CFI: variants seen among roughly 807,000 people sequenced by gnomAD.
CFI encodes the protein C3B/C4B inactivator.
A neutral mutation model predicts 78.8 loss-of-function variants in CFI; 66 were observed. The ratio of observed to expected loss-of-function variants is 0.84; its 90% CI spans 0.69 to 1.03. The LOEUF is 1.03. CFI is among the 50% of genes least tolerant of loss of function. The pLI is 0.00. For missense variants in CFI, 706 were observed against 704.5 expected, an observed-to-expected ratio of 1.00 and a Z score of -0.02; for synonymous variants, 250 against 232.6, an observed-to-expected ratio of 1.07 and a Z score of -0.68.
intron 1 of CFI, among the ~76,000 whole-genome samples, chr4:109,790,475 G>C (rs1326089585): frequency 6.6e-6 from 1 of 151,986 alleles, no homozygotes; most frequent in East Asian, 1.9e-4. Flanking sequence ...AATTTGTGCA[G>C]GTTTGTTATG....
the CFI span, among the ~76,000 whole-genome samples, chr4:109,731,958 C>G: frequency 6.6e-6 from 1 of 152,118 alleles, no homozygotes; most frequent in East Asian, 1.9e-4. Context: ...TTCTCAGCTC[C>G]AAAGTATGAA....
the CFI span, among the ~76,000 whole-genome samples, chr4:109,735,484 A>G: frequency 3.8e-3 from 574 of 152,358 alleles, 10 homozygotes; most frequent in African/African-American, 0.013. Context: ...TGTTATTTTA[A>G]ATAACAAAAA....
chr4:109,772,188 T>C (rs1257215689), intron 1 of CFI, among the ~76,000 whole-genome samples: 3 of 152,228 alleles, frequency 2.0e-5, no homozygotes, highest in African/African-American at 7.2e-5. Context: ...ATAGTAAGAA[T>C]ATGGTTTATT....
In CFI at chr4:109,760,331, G is replaced by T. The variant is rs1350170954; in HGVS notation, c.822C>A (p.Ser274Arg). ...FHCKSGVCIP[S>R]QYQCNGEVDC... ...CCACCTCACCATTGCATTGATACTG[G>T]CTTGGAATGCAAACACCCGATTTGC... is the stretch of plus-strand genomic sequence containing the variant. The change falls in exon 6 of 13, where the codon AGC (serine) becomes AGA (arginine). Residue 274 changes from serine to arginine, a missense_variant. Coordinates refer to ENST00000394634, the MANE Select transcript of CFI (RefSeq NM_000204.5). 1 of 1,614,026 alleles carries T rather than the reference G, an allele frequency of 6.2e-7. No homozygotes were observed. The highest frequency in any genetic ancestry group is 1.3e-5 in the African/African-American group (1 of 74,938).
intron 1 of CFI, among the ~76,000 whole-genome samples, chr4:109,791,104 G>A (rs1463840231): frequency 6.6e-6 from 1 of 152,068 alleles, no homozygotes; most frequent in African/African-American, 2.4e-5. Flanking sequence ...AACCTCGACA[G>A]CATGTTATTT....
intron 1 of CFI, among the ~76,000 whole-genome samples, chr4:109,777,497 C>A (rs1396885953): frequency 1.3e-5 from 2 of 151,958 alleles, no homozygotes; most frequent in African/African-American, 2.4e-5. Flanking sequence ...CCTTAGAGAC[C>A]TACAAAGAGA....
At chr4:109,800,664 T>G (rs1732670034) in intron 1 of CFI, among the ~76,000 whole-genome samples, 1 of 152,120 alleles carries the variant, frequency 6.6e-6, no homozygotes, top group Non-Finnish European at 1.5e-5. Flanking sequence ...ACCAGTAATC[T>G]TATTAGCCAA....
the CFI span, among the ~76,000 whole-genome samples, chr4:109,734,523 G>A: frequency 6.6e-6 from 1 of 152,208 alleles, no homozygotes; most frequent in African/African-American, 2.4e-5. Flanking sequence ...GCGATTACAG[G>A]CAGGACGCAG....
At chr4:109,753,324 T>TATA (rs1554027529) in intron 7 of CFI, among the ~76,000 whole-genome samples, 1 of 7,078 alleles carries the variant, frequency 1.4e-4, no homozygotes, top group African/African-American at 3.4e-4. Context: ...ATATTTATTA[T>TATA]ATAAATATTT....
At chr4:109,745,617 CA>C (rs1439069714) in intron 11 of CFI, among the ~76,000 whole-genome samples, 4 of 152,038 alleles carry the variant, frequency 2.6e-5, no homozygotes, top group Non-Finnish European at 4.4e-5. Context: ...CTTAGAAGTT[CA>C]AAAAATGAAT....
At chr4:109,756,888 G>GGAAAGAAAGAAAGAAAGAAAGAAA (rs561123299) in intron 7 of CFI, among the ~76,000 whole-genome samples, 21 of 57,862 alleles carry the variant, frequency 3.6e-4, no homozygotes, top group Admixed American at 2.8e-3. Flanking sequence ...AAGAAAGAAA[G>GGAAAGAAAGAAAGAAAGAAAGAAA]GAAAGAAAGA....
chr4:109,737,711 G>GTCTGTGAGCGTTATT (rs1358761411), downstream of CFI, among the ~76,000 whole-genome samples: 1 of 152,216 alleles, frequency 6.6e-6, no homozygotes, highest in Non-Finnish European at 1.5e-5. Context: ...CTGCAGTGTG[G>GTCTGTGAGCGTTATT]TCTGTGAGCG....
At chr4:109,769,948 C>G (rs995508688) in intron 1 of CFI, among the ~76,000 whole-genome samples, 7 of 152,170 alleles carry the variant, frequency 4.6e-5, no homozygotes, top group Non-Finnish European at 1.0e-4. Context: ...CCTCAGACTT[C>G]AGGGAACACA....
downstream of CFI, among the ~76,000 whole-genome samples, chr4:109,739,470 C>G (rs1438816826): frequency 2.0e-5 from 3 of 151,998 alleles, no homozygotes; most frequent in South Asian, 4.1e-4. Context: ...AAGAAAAGTA[C>G]TATGCTGAGA....
At position 109,752,522 on chromosome 4, in the gene CFI, T is replaced by C. The variant is rs1415470283; in HGVS notation, c.905-19A>G. On this transcript the variant is annotated intron_variant, in intron 7 of 12. Coordinates refer to ENST00000394634, the MANE Select transcript of CFI (RefSeq NM_000204.5). ...GTTTCTTCTATGATAAAACAAAAGA[T>C]TCCAATGTTTAAAGTTGTTAATTAT... The C allele has an allele frequency of 1.2e-5, 20 of 1,602,610 alleles. No individual in the cohort carries two copies. The highest frequency in any genetic ancestry group is 2.2e-5 in the East Asian group (1 of 44,712).
chr4:109,756,933 GAAAGAAAGAAAGAA>G (rs1561297811), intron 7 of CFI, among the ~76,000 whole-genome samples: 2 of 146,492 alleles, frequency 1.4e-5, no homozygotes, highest in Non-Finnish European at 3.0e-5. Context: ...AAGAAAGAAA[GAAAGAAAGAAAGAA>G]AGAAAGAAAG....
Position 109,752,922 on chromosome 4 carries a change from T to A in CFI, c.905-419A>T, listed in dbSNP as rs1240295666. Among the ~76,000 whole-genome samples the A allele has an allele frequency of 7.8e-5, 9 of 114,916 alleles. 1 individual carries two copies. In the East Asian group the frequency reaches 8.7e-4, roughly 11 times the overall value. 75.4% of individuals were successfully genotyped at this position (114,916 alleles called of 152,430 possible). A position where few individuals can be genotyped will look rare whatever the true frequency, so the allele number is the denominator to read the frequency against. ...ATTATATAAATAAATATTTATAATA[T>A]ATATTTATTATATAAATAAATATTT... On this transcript the variant is annotated intron_variant, in intron 7 of 12. Transcript: ENST00000394634.
At chr4:109,732,198 A>G in the CFI span, among the ~76,000 whole-genome samples, 2 of 152,262 alleles carry the variant, frequency 1.3e-5, no homozygotes, top group Admixed American at 1.3e-4. Flanking sequence ...ACTACAGCCT[A>G]TACTCTGAGG....
At chr4:109,738,649 T>A (rs1250040152), downstream of CFI, among the ~76,000 whole-genome samples, 1 of 152,144 alleles carries the variant, frequency 6.6e-6, no homozygotes, top group African/African-American at 2.4e-5. Context: ...CAGTTTCTCT[T>A]GGGAGGCTCA....
Sources: gnomAD v4.1 joint callset for allele counts (sites outside exome capture counted in the v4.1 genomes callset) on GRCh38, gnomAD v4.1.1 for gene constraint, MANE v1.5 for transcripts, NCBI Gene and HGNC (gene_info 2026-07-23, HGNC 2026-07-21) for gene names.